Variants in CBR4 observed in about 807,000 individuals in gnomAD.
The protein encoded by CBR4 is carbonyl reductase 4, also known as 3-oxoacyl-[acyl-carrier-protein] reductase.
In CBR4, 22 loss-of-function variants were observed where a neutral mutation model predicts 21.0. The observed-to-expected ratio is 1.05, with a 90% confidence interval of 0.75 to 1.50. The LOEUF (loss-of-function observed/expected upper bound fraction) is 1.50, where lower values mean the gene tolerates loss of function less well. Among genes scored for constraint, CBR4 ranks in the 40% most tolerant of loss-of-function variants. The pLI is 0.00. For synonymous variants in CBR4, 100 were observed against 104.4 expected, an observed-to-expected ratio of 0.96 and a Z score of 0.26; for missense variants, 302 against 286.3, an observed-to-expected ratio of 1.05 and a Z score of -0.40.
At chr4:168,970,819 G>GAGT (rs1764183413) in intron 2 of CBR4, among the ~76,000 whole-genome samples, 1 of 143,850 alleles carries the variant, frequency 7.0e-6, no homozygotes, top group South Asian at 2.4e-4. Context: ...TTTTATGGCT[G>GAGT]AGTAGTAGTC....
intron 2 of CBR4, among the ~76,000 whole-genome samples, chr4:168,934,236 C>T (rs1466782677): frequency 9.2e-6 from 1 of 108,804 alleles, no homozygotes; most frequent in Non-Finnish European, 1.7e-5. Flanking sequence ...TGGCAAGACC[C>T]AGTCTCCAAA....
Position 169,007,683 on chromosome 4 carries a change from T to C in CBR4, c.216A>G (p.Lys72=). 6.3e-7 allele frequency: 1 copy of C among 1,594,810 alleles called. No homozygotes were observed. Among genetic ancestry groups the C allele is most frequent in the Non-Finnish European group, 8.5e-7 (1 of 1,171,682 alleles). The change falls in exon 2 of 5, where the codon AAA becomes AAG. Residue 72 remains lysine, a synonymous_variant. Transcript: ENST00000306193. ...DVQNTFEELE[K]HLGRVNFLVN... is the part of the protein sequence containing the mutation. ...CCAAGAAATTTACTCGACCTAAATG[T>C]TTCTCCAGCTCTTCAAATGTATTTT...
chr4:168,989,666 TTCA>T lies in CBR4; in HGVS notation c.*481_*483del. 2.0e-6 allele frequency: 2 copies of T among 983,960 alleles called. No homozygotes were observed. Among genetic ancestry groups the T allele is most frequent in the South Asian group, 4.7e-5 (1 of 21,254 alleles). 61.0% of individuals were successfully genotyped at this position (983,960 alleles called of 1,614,324 possible). A position where few individuals can be genotyped will look rare whatever the true frequency, so the allele number is the denominator to read the frequency against. Reference sequence around the variant, plus strand: ...AATTCAGCTTGATACAAGAAAATAATTCATCATAATTAGACAATATAATTTTTC... The same window carrying T: ...AATTCAGCTTGATACAAGAAAATAATTCATAATTAGACAATATAATTTTTC... On this transcript the variant is annotated 3_prime_UTR_variant, in exon 5 of 5. Transcript: ENST00000306193.
chr4:168,923,149 A>T (rs1250890265), intron 2 of CBR4, among the ~76,000 whole-genome samples: 2 of 152,212 alleles, frequency 1.3e-5, no homozygotes, highest in African/African-American at 4.8e-5. Context: ...TGTTTTATAC[A>T]TTTTATGTTC....
intron 2 of CBR4, among the ~76,000 whole-genome samples, chr4:168,961,868 C>A (rs1361842257): frequency 6.7e-6 from 1 of 150,092 alleles, no homozygotes; most frequent in African/African-American, 2.5e-5. Flanking sequence ...CCAGCCTGGG[C>A]AACAGAGTGA....
At position 168,894,608 on chromosome 4, in the gene CBR4, T is replaced by C. The variant is rs749041581; in HGVS notation, n.327A>G. On this transcript the variant is annotated non_coding_transcript_exon_variant, in exon 3 of 4. Coordinates refer to the CBR4 transcript ENST00000509108. ...TAACATACGAAGAAAGAATGGCTCG[T>C]CGACTGCTAGGTGCTGACAGTGCAA... The C allele has an allele frequency of 7.3e-5, 117 of 1,613,448 alleles. No homozygotes were observed. Among genetic ancestry groups the C allele is most frequent in the Non-Finnish European group, 9.7e-5 (114 of 1,179,644 alleles).
chr4:168,913,698 T>C (rs1235202534), intron 2 of CBR4, among the ~76,000 whole-genome samples: 1 of 151,038 alleles, frequency 6.6e-6, no homozygotes, highest in Non-Finnish European at 1.5e-5. Context: ...TATTTAAGAG[T>C]TCCAAAAAAA....
chr4:168,998,938 C>T (rs1266870499), intron 4 of CBR4, among the ~76,000 whole-genome samples: 3 of 152,096 alleles, frequency 2.0e-5, no homozygotes, highest in African/African-American at 7.2e-5. Context: ...GGAGAAAAGA[C>T]TCTTTATGCC....
At chr4:168,991,228 T>C (rs959655893) in intron 4 of CBR4, among the ~76,000 whole-genome samples, 13 of 152,162 alleles carry the variant, frequency 8.5e-5, no homozygotes, top group Non-Finnish European at 2.9e-5. Flanking sequence ...TAAAACAAAA[T>C]TCCACTCTTT....
At chr4:168,896,146 G>A (rs1308007049) in intron 2 of CBR4, among the ~76,000 whole-genome samples, 3 of 149,578 alleles carry the variant, frequency 2.0e-5, no homozygotes, top group Non-Finnish European at 4.4e-5. Context: ...GGAGACAGAG[G>A]TTACAGTGAG....
Position 168,988,184 on chromosome 4 carries a change from G to A in CBR4, c.*1966C>T. ...CAAATTCTACTAGGTCAGTGGGAGT[G>A]GGCGGATTCACCTGGAGTGGAGCAG... On this transcript the variant is annotated 3_prime_UTR_variant, in exon 5 of 5. Coordinates refer to ENST00000306193, the MANE Select transcript of CBR4 (RefSeq NM_032783.5). The A allele has an allele frequency of 3.0e-6, 3 of 985,310 alleles. No homozygotes were observed. The highest frequency in any genetic ancestry group is 3.6e-6 in the Non-Finnish European group (3 of 829,828). The allele number at this position is 985,310 out of a possible 1,614,324, so 61.0% of individuals were successfully genotyped here.
chr4:168,961,861 G>T (rs1297706361), intron 2 of CBR4, among the ~76,000 whole-genome samples: 1 of 151,958 alleles, frequency 6.6e-6, no homozygotes, highest in East Asian at 1.9e-4. Context: ...TTGCACTCCA[G>T]CCTGGGCAAC....
At chr4:168,971,203 T>C (rs1764196876) in intron 2 of CBR4, among the ~76,000 whole-genome samples, 1 of 152,150 alleles carries the variant, frequency 6.6e-6, no homozygotes, top group African/African-American at 2.4e-5. Context: ...TGGTTTCGAT[T>C]TGCATTTCCC....
At chr4:168,910,220 C>CTTTTTTTTTTTTTT (rs70961563) in intron 2 of CBR4, among the ~76,000 whole-genome samples, 2 of 114,010 alleles carry the variant, frequency 1.8e-5, no homozygotes, top group Non-Finnish European at 3.6e-5. Context: ...AACCTGTTTA[C>CTTTTTTTTTTTTTT]TTTTTTTTTT....
intron 2 of CBR4, among the ~76,000 whole-genome samples, chr4:168,909,708 A>G (rs902154177): frequency 1.3e-5 from 2 of 152,218 alleles, no homozygotes; most frequent in African/African-American, 4.8e-5. Context: ...CCTACTAACT[A>G]TGATTACCAG....
At chr4:168,909,748 C>G (rs1160907560) in intron 2 of CBR4, among the ~76,000 whole-genome samples, 1 of 152,138 alleles carries the variant, frequency 6.6e-6, no homozygotes, top group Non-Finnish European at 1.5e-5. Flanking sequence ...ATTAAAATCA[C>G]TTATTGCTAA....
intron 4 of CBR4, among the ~76,000 whole-genome samples, chr4:168,995,018 T>TGAGCC (rs1267430584): frequency 1.3e-5 from 2 of 152,168 alleles, no homozygotes. Context: ...TCTCCCAAAG[T>TGAGCC]ACTGGGATTA....
rs545211870 is a variant in CBR4 at position 169,006,296 on chromosome 4, T to C, written c.400+459A>G. On this transcript the variant is annotated intron_variant, in intron 3 of 4. Coordinates refer to ENST00000306193, the MANE Select transcript of CBR4 (RefSeq NM_032783.5). ...CGGGAGGATCACTTGAGCCCATGAGTTAAAGACCAGCCTAGGCCACATAGT... is the reference window on the plus strand; with the variant it reads ...CGGGAGGATCACTTGAGCCCATGAGCTAAAGACCAGCCTAGGCCACATAGT... Among the ~76,000 whole-genome samples the C allele has an allele frequency of 3.3e-5, 5 of 152,036 alleles. No individual in the cohort carries two copies. In the East Asian group the frequency reaches 9.6e-4, roughly 29 times the overall value.
chr4:168,898,580 GA>G, intron 2 of CBR4: 1 of 1,613,684 alleles, frequency 6.2e-7, no homozygotes. Flanking sequence ...ATCAGGTGAT[GA>G]AGTTCAGTAT....
Sources: allele counts gnomAD v4.1 joint callset (sites outside exome capture counted in the v4.1 genomes callset), GRCh38; gene constraint gnomAD v4.1.1; transcripts MANE v1.5; gene names NCBI Gene and HGNC (gene_info 2026-07-23, HGNC 2026-07-21).